The following SHISA9 variants were observed in gnomAD, a reference collection of about 807,000 sequenced individuals.
SHISA9 encodes the protein shisa family member 9, also known as protein shisa-9.
In SHISA9, 13 loss-of-function variants were observed where a neutral mutation model predicts 38.0. That is an observed-to-expected ratio of 0.34 (90% CI 0.22 to 0.54). The LOEUF (loss-of-function observed/expected upper bound fraction) is 0.54, where lower values mean the gene tolerates loss of function less well. Among genes scored for constraint, SHISA9 ranks in the 20% least tolerant of loss-of-function variants. The pLI is 0.91. For synonymous variants in SHISA9, 275 were observed against 242.0 expected (o/e 1.14, Z -1.27); for missense variants, 538 against 575.8 (o/e 0.93, Z 0.67).
At chr16:13,350,660 G>A in the SHISA9 span, 1 of 152,210 alleles carries the variant, frequency 6.6e-6, no homozygotes, top group South Asian at 2.1e-4. Context: ...CTTTGCAGAA[G>A]TGGGTTCTTT....
chr16:13,488,602 A>G, the SHISA9 span, among the ~76,000 whole-genome samples: 5 of 152,350 alleles, frequency 3.3e-5, no homozygotes, highest in South Asian at 1.0e-3. Context: ...ATATGGCAAC[A>G]TGCTGTACAG....
the SHISA9 span, among the ~76,000 whole-genome samples, chr16:13,480,575 C>G: frequency 2.6e-5 from 4 of 152,130 alleles, no homozygotes; most frequent in East Asian, 7.7e-4. Flanking sequence ...CTCTGCTATT[C>G]CCTGATGACA....
the SHISA9 span, among the ~76,000 whole-genome samples, chr16:13,251,645 G>C: frequency 2.0e-5 from 3 of 152,230 alleles, no homozygotes; most frequent in Non-Finnish European, 4.4e-5. Context: ...GTGGTTACCA[G>C]GTCCATAAAG....
chr16:13,213,413 C>A (rs2051138799), intron 4 of SHISA9, 113 bp downstream of exon 4: 2 of 946,654 alleles, frequency 2.1e-6, no homozygotes, highest in Non-Finnish European at 1.6e-6. Context: ...TGTGTGTCTG[C>A]ATAGGGTGGC....
chr16:13,183,027 G>T (rs1054000245), intron 2 of SHISA9, among the ~76,000 whole-genome samples: 1 of 152,156 alleles, frequency 6.6e-6, no homozygotes, highest in African/African-American at 2.4e-5. Context: ...TCTACACGTG[G>T]CTATTCATGT....
At chr16:13,485,975 A>AT in the SHISA9 span, among the ~76,000 whole-genome samples, 4 of 152,206 alleles carry the variant, frequency 2.6e-5, no homozygotes, top group South Asian at 2.1e-4. Context: ...GAATTTTGTT[A>AT]TTTTTTATGG....
intron 2 of SHISA9, among the ~76,000 whole-genome samples, chr16:13,197,271 A>C (rs1474709042): frequency 1.3e-5 from 2 of 152,014 alleles, no homozygotes; most frequent in Admixed American, 6.6e-5. Context: ...TTTCTGGGCT[A>C]TTCCTCCTTG....
At chr16:13,228,154 A>C (rs2142082054) in intron 4 of SHISA9, among the ~76,000 whole-genome samples, 1 of 152,278 alleles carries the variant, frequency 6.6e-6, no homozygotes, top group South Asian at 2.1e-4. Flanking sequence ...AGGTCTCATA[A>C]ACTCAGATCT....
chr16:13,034,319 A>C (rs117555426), intron 2 of SHISA9, among the ~76,000 whole-genome samples: 2,361 of 152,152 alleles, frequency 0.016, 28 homozygotes, highest in Middle Eastern at 0.027. Flanking sequence ...TCTCCTTGGG[A>C]ATGACCCAAT....
chr16:13,175,093 T>G (rs1422667186), intron 2 of SHISA9, among the ~76,000 whole-genome samples: 2 of 151,912 alleles, frequency 1.3e-5, no homozygotes, highest in East Asian at 3.9e-4. Flanking sequence ...ATGGACGTGG[T>G]AGCTGGCTCA....
chr16:13,029,865 G>T (rs2072970242), intron 2 of SHISA9, among the ~76,000 whole-genome samples: 1 of 152,198 alleles, frequency 6.6e-6, no homozygotes, highest in Admixed American at 6.5e-5. Context: ...GACAAAGGCT[G>T]GGAGCCAGAG....
At chr16:13,033,676 T>C (rs1055469128) in intron 2 of SHISA9, among the ~76,000 whole-genome samples, 4 of 152,198 alleles carry the variant, frequency 2.6e-5, no homozygotes, top group Non-Finnish European at 5.9e-5. Context: ...CTCACTGTTA[T>C]GTCCTTGGGT....
the SHISA9 span, among the ~76,000 whole-genome samples, chr16:13,363,134 G>T: frequency 6.6e-6 from 1 of 152,172 alleles, no homozygotes; most frequent in Non-Finnish European, 1.5e-5. Context: ...CCCTTCAAGG[G>T]ACCAGAGTCT....
At chr16:13,464,421 C>G in the SHISA9 span, among the ~76,000 whole-genome samples, 2 of 152,152 alleles carry the variant, frequency 1.3e-5, no homozygotes, top group African/African-American at 4.8e-5. Context: ...CCTGAAGCCC[C>G]AAAACTGGTG....
chr16:13,132,800 G>A (rs999221490), intron 2 of SHISA9, among the ~76,000 whole-genome samples: 7 of 152,296 alleles, frequency 4.6e-5, no homozygotes, highest in African/African-American at 1.2e-4. Flanking sequence ...AAGGTCTTTG[G>A]AGAAAAATTC....
chr16:13,197,972 G>A (rs1481163879), intron 2 of SHISA9, among the ~76,000 whole-genome samples: 1 of 152,124 alleles, frequency 6.6e-6, no homozygotes, highest in East Asian at 1.9e-4. Flanking sequence ...ATCACCTGAG[G>A]TCAGGAGTTC....
chr16:13,366,660 T>C, the SHISA9 span, among the ~76,000 whole-genome samples: 1 of 151,874 alleles, frequency 6.6e-6, no homozygotes, highest in African/African-American at 2.4e-5. Context: ...CTGGAGAACA[T>C]AGTGAGACCC....
chr16:13,200,084 G>T (rs2050989852), intron 2 of SHISA9, among the ~76,000 whole-genome samples: 1 of 152,090 alleles, frequency 6.6e-6, no homozygotes, highest in Non-Finnish European at 1.5e-5. Context: ...TAATTTTGAG[G>T]CATGCATTCA....
At chr16:13,423,384 G>T in the SHISA9 span, among the ~76,000 whole-genome samples, 1 of 152,116 alleles carries the variant, frequency 6.6e-6, no homozygotes, top group Non-Finnish European at 1.5e-5. Flanking sequence ...AAAGCAAGAA[G>T]AAGAAATAAC....
Sources: gnomAD v4.1 joint callset for allele counts (sites outside exome capture counted in the v4.1 genomes callset) on GRCh38, gnomAD v4.1.1 for gene constraint, MANE v1.5 for transcripts, NCBI Gene and HGNC (gene_info 2026-07-23, HGNC 2026-07-21) for gene names.